Variants in MGAT5 observed in about 807,000 individuals in gnomAD.
The protein encoded by MGAT5 is alpha-1,6-mannosylglycoprotein 6-beta-N-acetylglucosaminyltransferase A.
In MGAT5, 30 loss-of-function variants were observed where a neutral mutation model predicts 94.3. The ratio of observed to expected loss-of-function variants is 0.32; its 90% CI spans 0.24 to 0.43. The LOEUF (loss-of-function observed/expected upper bound fraction) is 0.43, where lower values mean the gene tolerates loss of function less well. MGAT5 is among the 20% of genes least tolerant of loss of function. The pLI is 1.00. For synonymous variants in MGAT5, 310 were observed against 322.9 expected (o/e 0.96, Z 0.43); for missense variants, 691 against 905.5 (o/e 0.76, Z 3.04).
intron 1 of MGAT5, among the ~76,000 whole-genome samples, chr2:134,221,618 G>T (rs1406543272): frequency 1.3e-5 from 2 of 152,214 alleles, no homozygotes; most frequent in East Asian, 3.8e-4. Flanking sequence ...TCCCACAAGA[G>T]ACTTTGCAGG....
chr2:134,276,131 T>G (rs1385309068), intron 2 of MGAT5, among the ~76,000 whole-genome samples: 1 of 151,944 alleles, frequency 6.6e-6, no homozygotes, highest in African/African-American at 2.4e-5. Flanking sequence ...TTCCTTTCCC[T>G]TTTCCTAGCA....
In MGAT5 at chr2:134,234,473, G is replaced by T. The variant is rs76559669; in HGVS notation, c.-142-19789G>T. On this transcript the variant is annotated intron_variant, in intron 1 of 16. Transcript: ENST00000409645. ...ATATCAAGAATTATAAGACTATGGGGGTCCATACATAAGACACAGCAATGT... is the reference window on the plus strand; with the variant it reads ...ATATCAAGAATTATAAGACTATGGGTGTCCATACATAAGACACAGCAATGT... 4.7e-3 allele frequency among the ~76,000 whole-genome samples: 710 copies of T among 152,306 alleles called. 21 individuals are homozygous for T. The East Asian group carries it at 0.1, about 22-fold the overall frequency.
intron 1 of MGAT5, among the ~76,000 whole-genome samples, chr2:134,261,391 A>G (rs1307123133): frequency 6.6e-6 from 1 of 152,044 alleles, no homozygotes; most frequent in Non-Finnish European, 1.5e-5. Context: ...GACACCCTAA[A>G]AAGCTCCGCA....
chr2:134,236,097 T>C (rs1016129591), intron 1 of MGAT5, among the ~76,000 whole-genome samples: 1 of 152,180 alleles, frequency 6.6e-6, no homozygotes, highest in African/African-American at 2.4e-5. Flanking sequence ...CTTAATTTTA[T>C]GGGCATACAA....
At chr2:134,354,384 G>A (rs1194982601) in intron 9 of MGAT5, among the ~76,000 whole-genome samples, 1 of 152,148 alleles carries the variant, frequency 6.6e-6, no homozygotes, top group Non-Finnish European at 1.5e-5. Context: ...CAGACAGAGA[G>A]CGTGGGGAAG....
At chr2:134,253,644 C>A (rs1682750657), upstream of MGAT5, among the ~76,000 whole-genome samples, 1 of 152,174 alleles carries the variant, frequency 6.6e-6, no homozygotes, top group Admixed American at 6.5e-5. Context: ...AATACCCCTG[C>A]TTGTACCTCT....
intron 1 of MGAT5, among the ~76,000 whole-genome samples, chr2:134,126,787 C>T (rs1260885613): frequency 6.6e-6 from 1 of 152,208 alleles, no homozygotes; most frequent in African/African-American, 2.4e-5. Context: ...TAGGTGTTTA[C>T]ACACTGCCAC....
chr2:134,141,566 TC>T lies in MGAT5; in HGVS notation c.-143+21276del, dbSNP rs1236810301. Among the ~76,000 whole-genome samples the T allele has an allele frequency of 1.4e-4, 21 of 152,142 alleles. No homozygotes were observed. In the East Asian group the frequency reaches 4.1e-3, roughly 29 times the overall value. ...TAGATGGAGGAAATAAACAAGGTCT[TC>T]GGGGAGCTTACAGCCTAATGAGGAA... is the stretch of plus-strand genomic sequence containing the variant. On this transcript the variant is annotated intron_variant, in intron 1 of 16. Transcript: ENST00000409645.
At chr2:134,188,221 T>C (rs4953904) in intron 1 of MGAT5, among the ~76,000 whole-genome samples, 54,065 of 152,176 alleles carry the variant, frequency 0.36, 10,692 homozygotes, top group African/African-American at 0.52. Flanking sequence ...ATTCTGAGGT[T>C]GGAGAATGGG....
intron 11 of MGAT5, among the ~76,000 whole-genome samples, chr2:134,406,332 C>T (rs1683330494): frequency 6.6e-6 from 1 of 152,214 alleles, no homozygotes; most frequent in Non-Finnish European, 1.5e-5. Flanking sequence ...GTGGCTTCTG[C>T]ACATACTGTC....
chr2:134,376,823 G>A (rs1168403340), intron 10 of MGAT5, among the ~76,000 whole-genome samples: 1 of 152,108 alleles, frequency 6.6e-6, no homozygotes, highest in Non-Finnish European at 1.5e-5. Context: ...CCAAGGATAG[G>A]CCCCCTGAAA....
chr2:134,372,952 G>A, intron 10 of MGAT5, among the ~76,000 whole-genome samples: 1 of 152,252 alleles, frequency 6.6e-6, no homozygotes, highest in East Asian at 1.9e-4. Flanking sequence ...TGAACATCCT[G>A]AGGGTGGGGC....
intron 10 of MGAT5, among the ~76,000 whole-genome samples, chr2:134,370,068 A>G (rs1240660260): frequency 2.6e-5 from 4 of 152,206 alleles, no homozygotes; most frequent in African/African-American, 7.2e-5. Context: ...CATTCTGAAA[A>G]CTATGTAATT....
intron 1 of MGAT5, among the ~76,000 whole-genome samples, chr2:134,120,640 G>A (rs1456591331): frequency 6.6e-6 from 1 of 151,974 alleles, no homozygotes; most frequent in Non-Finnish European, 1.5e-5. Context: ...CTGGTTGCGC[G>A]GGCTGGAGGC....
intron 14 of MGAT5, among the ~76,000 whole-genome samples, chr2:134,439,483 G>A (rs112712535): frequency 1.6e-4 from 25 of 152,294 alleles, no homozygotes; most frequent in African/African-American, 5.8e-4. Flanking sequence ...GATCACCTGA[G>A]GTCAGGAGTT....
In MGAT5 at chr2:134,452,314, C is replaced by T. The variant is rs773433981; in HGVS notation, c.*3467C>T. On this transcript the variant is annotated 3_prime_UTR_variant, in exon 16 of 16. Coordinates refer to ENST00000281923, the MANE Select transcript of MGAT5 (RefSeq NM_002410.5). ...ACCAGCCTGTGTTCCCTGCCACCCA[C>T]GCACTTGCTGAGGTGTGGCTGAGGC... 7 of 152,324 alleles carry T rather than the reference C, an allele frequency of 4.6e-5. No homozygotes were observed. Among genetic ancestry groups the T allele is most frequent in the East Asian group, 3.9e-4 (2 of 5,186 alleles). The allele number at this position is 152,324 out of a possible 1,614,324, so 9.4% of individuals were successfully genotyped here. A position where few individuals can be genotyped will look rare whatever the true frequency, so the allele number is the denominator to read the frequency against.
chr2:134,224,792 A>G (rs1344767765), intron 1 of MGAT5, among the ~76,000 whole-genome samples: 2 of 152,084 alleles, frequency 1.3e-5, no homozygotes, highest in African/African-American at 2.4e-5. Flanking sequence ...GGAATTTCCA[A>G]TCTAGGCCAG....
intron 12 of MGAT5, among the ~76,000 whole-genome samples, chr2:134,420,884 C>T (rs890069969): frequency 6.6e-6 from 1 of 152,192 alleles, no homozygotes; most frequent in African/African-American, 2.4e-5. Flanking sequence ...ATTATGGAAT[C>T]AAGAACTGTG....
At chr2:134,207,388 A>G (rs1449302395) in intron 1 of MGAT5, among the ~76,000 whole-genome samples, 2 of 152,168 alleles carry the variant, frequency 1.3e-5, no homozygotes, top group African/African-American at 2.4e-5. Context: ...AAAGGAGGCA[A>G]TTATTTAAGT....
Sources: gnomAD v4.1 joint callset for allele counts (sites outside exome capture counted in the v4.1 genomes callset) on GRCh38, gnomAD v4.1.1 for gene constraint, MANE v1.5 for transcripts, NCBI Gene and HGNC (gene_info 2026-07-23, HGNC 2026-07-21) for gene names.